The following CSMD1 variants were observed in gnomAD, a reference collection of about 807,000 sequenced individuals.
The protein encoded by CSMD1 is CUB and Sushi multiple domains 1.
Under a neutral mutation model 417.5 loss-of-function variants are expected in CSMD1, and 213 were observed. The ratio of observed to expected loss-of-function variants is 0.51; its 90% confidence interval spans 0.46 to 0.57. The LOEUF is 0.57. Among genes scored for constraint, CSMD1 ranks in the 20% least tolerant of loss-of-function variants. CSMD1 has a pLI of 0.00. For missense variants in CSMD1, 6,923 were observed against 4,529.7 expected, an observed-to-expected ratio of 1.53 and a Z score of -15.17; for synonymous variants, 2,862 against 1,736.8, an observed-to-expected ratio of 1.65 and a Z score of -16.11.
At chr8:4,905,998 C>G (rs904454036) in intron 1 of CSMD1, among the ~76,000 whole-genome samples, 1 of 152,086 alleles carries the variant, frequency 6.6e-6, no homozygotes, top group African/African-American at 2.4e-5. Flanking sequence ...CCACTTTTGG[C>G]AGGAAGTCTG....
At chr8:4,093,060 C>T (rs901094016) in intron 3 of CSMD1, among the ~76,000 whole-genome samples, 1 of 152,102 alleles carries the variant, frequency 6.6e-6, no homozygotes, top group Non-Finnish European at 1.5e-5. Flanking sequence ...ATAGTTTGAA[C>T]AAGTTGTGTT....
At chr8:4,079,974 G>C (rs1800041114) in intron 3 of CSMD1, among the ~76,000 whole-genome samples, 1 of 151,152 alleles carries the variant, frequency 6.6e-6, no homozygotes, top group Non-Finnish European at 1.5e-5. Context: ...ATAATTTAAA[G>C]ATTAAGAAAA....
At chr8:3,482,828 G>T (rs1817823277) in intron 11 of CSMD1, among the ~76,000 whole-genome samples, 1 of 152,106 alleles carries the variant, frequency 6.6e-6, no homozygotes, top group Admixed American at 6.5e-5. Flanking sequence ...TTAAAAGGCA[G>T]TAGAAAAATC....
chr8:3,839,495 T>C (rs1802969641), intron 5 of CSMD1, among the ~76,000 whole-genome samples: 3 of 125,222 alleles, frequency 2.4e-5, no homozygotes, highest in Non-Finnish European at 4.8e-5. Flanking sequence ...TATTTATATA[T>C]TAATATATAT....
intron 37 of CSMD1, among the ~76,000 whole-genome samples, chr8:3,172,072 T>C (rs990937104): frequency 1.3e-5 from 2 of 152,218 alleles, no homozygotes; most frequent in Admixed American, 6.5e-5. Flanking sequence ...ATGCAGTAAA[T>C]CGAGCTCCTT....
At chr8:3,262,107 A>G (rs1428592865) in intron 26 of CSMD1, among the ~76,000 whole-genome samples, 2 of 148,874 alleles carry the variant, frequency 1.3e-5, no homozygotes, top group Non-Finnish European at 3.0e-5. Flanking sequence ...AAGGTTATGT[A>G]TGTCTGAGTT....
At chr8:3,029,939 C>A (rs927290128) in intron 50 of CSMD1, among the ~76,000 whole-genome samples, 1 of 152,122 alleles carries the variant, frequency 6.6e-6, no homozygotes. Context: ...TTCAGAAACT[C>A]AGATGCCCTC....
intron 7 of CSMD1, among the ~76,000 whole-genome samples, chr8:3,703,996 G>A (rs182858004): frequency 3.5e-4 from 53 of 152,220 alleles, no homozygotes; most frequent in Admixed American, 1.8e-3. Context: ...ACATGAACCC[G>A]GGAGGTAGAG....
intron 2 of CSMD1, among the ~76,000 whole-genome samples, chr8:4,606,789 A>G (rs1421022166): frequency 6.6e-6 from 1 of 152,210 alleles, no homozygotes; most frequent in East Asian, 1.9e-4. Context: ...CATAAAGGGG[A>G]GTATCATTTC....
intron 7 of CSMD1, among the ~76,000 whole-genome samples, chr8:3,637,225 G>C (rs113035993): frequency 2.2e-3 from 329 of 152,250 alleles, no homozygotes; most frequent in Admixed American, 4.2e-3. Flanking sequence ...ACTTTTACTA[G>C]GTAATTTGTA....
intron 3 of CSMD1, among the ~76,000 whole-genome samples, chr8:4,398,020 G>A (rs1804374904): frequency 6.6e-6 from 1 of 152,216 alleles, no homozygotes; most frequent in East Asian, 1.9e-4. Context: ...CATACATACT[G>A]GTATCAATTT....
intron 1 of CSMD1, among the ~76,000 whole-genome samples, chr8:4,752,563 G>A (rs1811401398): frequency 6.6e-6 from 1 of 152,152 alleles, no homozygotes; most frequent in East Asian, 1.9e-4. Context: ...GATGCACAGA[G>A]TGAAAACGAA....
In CSMD1 at chr8:3,686,599, T is replaced by A. The variant is rs527737976; in HGVS notation, c.1009+21815A>T. Among the ~76,000 whole-genome samples the A allele has an allele frequency of 1.6e-4, 24 of 152,308 alleles. No individual in the cohort carries two copies. In the South Asian group the frequency reaches 2.7e-3, roughly 17 times the overall value. Reference sequence around the variant, plus strand: ...GATACCAAAAGGGAAGCAGTGTTCTTATCATCAAGCACAGAAAACTGAAGC... The same window carrying A: ...GATACCAAAAGGGAAGCAGTGTTCTAATCATCAAGCACAGAAAACTGAAGC... On this transcript the variant is annotated intron_variant, in intron 7 of 69. Transcript: ENST00000635120.
intron 5 of CSMD1, among the ~76,000 whole-genome samples, chr8:3,755,287 A>G (rs1584949173): frequency 6.6e-6 from 1 of 152,294 alleles, no homozygotes; most frequent in African/African-American, 2.4e-5. Flanking sequence ...AACCTCTGTT[A>G]CCCATTGTAT....
At chr8:3,678,527 T>C (rs1023181200) in intron 7 of CSMD1, among the ~76,000 whole-genome samples, 1 of 152,106 alleles carries the variant, frequency 6.6e-6, no homozygotes, top group African/African-American at 2.4e-5. Context: ...CCAAGAAATA[T>C]GGGACTATGT....
At chr8:3,071,524 A>C (rs992378884) in intron 49 of CSMD1, among the ~76,000 whole-genome samples, 1 of 152,184 alleles carries the variant, frequency 6.6e-6, no homozygotes, top group African/African-American at 2.4e-5. Flanking sequence ...AAAAAATAAA[A>C]TGATAAAATG....
intron 69 of CSMD1, among the ~76,000 whole-genome samples, chr8:2,939,841 T>C (rs1018837691): frequency 6.6e-6 from 1 of 152,200 alleles, no homozygotes; most frequent in Non-Finnish European, 1.5e-5. Flanking sequence ...AGCAAACAAA[T>C]CCAGCCCCTC....
intron 3 of CSMD1, among the ~76,000 whole-genome samples, chr8:4,056,229 G>A (rs1451848761): frequency 6.6e-6 from 1 of 151,400 alleles, no homozygotes; most frequent in Non-Finnish European, 1.5e-5. Flanking sequence ...TTACAGGTGT[G>A]TACTCCCACT....
chr8:4,809,345 T>C (rs1021277227), intron 1 of CSMD1, among the ~76,000 whole-genome samples: 10 of 152,212 alleles, frequency 6.6e-5, no homozygotes, highest in Non-Finnish European at 1.5e-4. Context: ...TGTATCACCA[T>C]GGGATGAAAC....
Sources: allele counts gnomAD v4.1 joint callset (sites outside exome capture counted in the v4.1 genomes callset), GRCh38; gene constraint gnomAD v4.1.1; transcripts MANE v1.5; gene names NCBI Gene and HGNC (gene_info 2026-07-23, HGNC 2026-07-21).